Variants in RIMS3 observed in about 807,000 individuals in gnomAD.
RIMS3 encodes regulating synaptic membrane exocytosis 3, also known as regulating synaptic membrane exocytosis protein 3.
A neutral mutation model predicts 29.2 loss-of-function variants in RIMS3; 15 were observed. That is an observed-to-expected ratio of 0.51 (90% CI 0.34 to 0.79). RIMS3 has a LOEUF of 0.79. Among genes scored for constraint, RIMS3 ranks in the 30% least tolerant of loss-of-function variants. The probability of loss-of-function intolerance (pLI) is 0.01; values close to 1 mark genes in which losing one functional copy is unlikely to be tolerated. For missense variants in RIMS3, 342 were observed against 421.4 expected (o/e 0.81, Z 1.65); for synonymous variants, 161 against 170.1 (o/e 0.95, Z 0.41).
chr1:40,629,450 C>T, intron 5 of RIMS3, 78 bp from the exon 6 acceptor site: 1 of 1,159,174 alleles, frequency 8.6e-7, no homozygotes, highest in Non-Finnish European at 1.3e-6. Context: ...TGAATGCCAG[C>T]CTGTGGAGGA....
chr1:40,685,109 C>T, the RIMS3 span, among the ~76,000 whole-genome samples: 2 of 151,710 alleles, frequency 1.3e-5, no homozygotes, highest in African/African-American at 2.4e-5. Context: ...TGTGGGAGAT[C>T]GCTGATTGGT....
the RIMS3 span, among the ~76,000 whole-genome samples, chr1:40,671,808 G>A: frequency 2.0e-5 from 3 of 148,778 alleles, no homozygotes; most frequent in Non-Finnish European, 4.4e-5. Context: ...CTAGGCTTAG[G>A]CTGGAGTGCA....
chr1:40,656,175 G>A (rs1170420374), intron 1 of RIMS3, among the ~76,000 whole-genome samples: 2 of 151,742 alleles, frequency 1.3e-5, no homozygotes, highest in Admixed American at 6.6e-5. Context: ...TCAAGGCTGA[G>A]GTGAGCCAAG....
At chr1:40,690,427 T>C in the RIMS3 span, 1 of 152,032 alleles carries the variant, frequency 6.6e-6, no homozygotes, top group Non-Finnish European at 1.5e-5. Flanking sequence ...AGCGAGACAC[T>C]CGTAGCTCTT....
intron 1 of RIMS3, among the ~76,000 whole-genome samples, chr1:40,663,088 G>A (rs900816030): frequency 6.6e-6 from 1 of 152,156 alleles, no homozygotes; most frequent in Non-Finnish European, 1.5e-5. Context: ...TACCAGTGTA[G>A]GAGACAGCCC....
chr1:40,662,350 G>A (rs1178927845), intron 1 of RIMS3, among the ~76,000 whole-genome samples: 3 of 152,002 alleles, frequency 2.0e-5, no homozygotes, highest in East Asian at 1.9e-4. Flanking sequence ...CTAAGATGTC[G>A]CCACCTCCAG....
At chr1:40,691,660 G>C in the RIMS3 span, 1 of 445,238 alleles carries the variant, frequency 2.2e-6, no homozygotes, top group Non-Finnish European at 4.5e-6. Context: ...ACGATACTGG[G>C]AGTCCAGGCG....
rs115115440 is a variant in RIMS3, at chr1:40,622,877, C to G, written c.*3640G>C. The G allele has an allele frequency of 6.6e-6, 1 of 152,660 alleles. No individual in the cohort carries two copies. The highest frequency in any genetic ancestry group is 2.4e-5 in the African/African-American group (1 of 41,408). The allele number at this position is 152,660 out of a possible 1,614,324, so 9.5% of individuals were successfully genotyped here. On this transcript the variant is annotated 3_prime_UTR_variant, in exon 8 of 8. Coordinates refer to ENST00000372684, the MANE Select transcript of RIMS3 (RefSeq NM_014747.3). Reference sequence around the variant, plus strand: ...GGGCAGCAGGGCATGGAAGAGGGACCCTGGTTGCATGTCAGGGCTCCTGGT... The same window carrying G: ...GGGCAGCAGGGCATGGAAGAGGGACGCTGGTTGCATGTCAGGGCTCCTGGT...
At chr1:40,646,662 C>A (rs1172579815) in intron 2 of RIMS3, among the ~76,000 whole-genome samples, 1 of 152,160 alleles carries the variant, frequency 6.6e-6, no homozygotes, top group Non-Finnish European at 1.5e-5. Flanking sequence ...TGCCCCCACT[C>A]CTGCCAAAAC....
chr1:40,690,703 T>C, the RIMS3 span: 6 of 152,226 alleles, frequency 3.9e-5, no homozygotes, highest in Non-Finnish European at 8.8e-5. Flanking sequence ...CTCAATTACT[T>C]TATCACCAGG....
In RIMS3 at chr1:40,633,183, T is replaced by C. The variant is rs1235222842; in HGVS notation, c.360-2A>G. 6.2e-7 allele frequency: 1 copy of C among 1,613,156 alleles called. No homozygotes were observed. Among genetic ancestry groups the C allele is most frequent in the Non-Finnish European group, 8.5e-7 (1 of 1,179,176 alleles). On this transcript the variant is annotated splice_acceptor_variant, in intron 4 of 7. Coordinates refer to ENST00000372684, the MANE Select transcript of RIMS3 (RefSeq NM_014747.3). LOFTEE classifies it high-confidence loss of function. Reference sequence around the variant, plus strand: ...AGCCGGGTAGTGGGGAAGATGAACCTGCAGGAGGAGGCAGAGGGACGCGTG... The same window carrying C: ...AGCCGGGTAGTGGGGAAGATGAACCCGCAGGAGGAGGCAGAGGGACGCGTG...
intron 1 of RIMS3, among the ~76,000 whole-genome samples, chr1:40,659,979 A>C (rs138202811): frequency 2.6e-5 from 4 of 152,308 alleles, no homozygotes; most frequent in African/African-American, 9.6e-5. Flanking sequence ...GTTTATCCTA[A>C]GAAGACCATG....
chr1:40,686,571 G>T, the RIMS3 span, among the ~76,000 whole-genome samples: 1 of 151,816 alleles, frequency 6.6e-6, no homozygotes, highest in East Asian at 2.0e-4. Context: ...GCAGGAGAAT[G>T]GCGTGAACCC....
At chr1:40,630,705 G>A (rs1646483921) in intron 5 of RIMS3, among the ~76,000 whole-genome samples, 1 of 152,248 alleles carries the variant, frequency 6.6e-6, no homozygotes, top group East Asian at 1.9e-4. Context: ...TGACACCAGG[G>A]GGTACCACAC....
At position 40,626,364 on chromosome 1, in the gene RIMS3, C is replaced by G; in HGVS notation, c.*153G>C. 2 of 720,462 alleles carry G rather than the reference C, an allele frequency of 2.8e-6. No homozygotes were observed. Among genetic ancestry groups the G allele is most frequent in the Admixed American group, 4.1e-5 (2 of 49,192 alleles). The allele number at this position is 720,462 out of a possible 1,614,324, so 44.6% of individuals were successfully genotyped here. On this transcript the variant is annotated 3_prime_UTR_variant, in exon 8 of 8. Coordinates refer to ENST00000372684, the MANE Select transcript of RIMS3 (RefSeq NM_014747.3). ...CACGCACGCACACACGCACACACTA[C>G]AGTCTCCACTGCCAGCTGGGATGAG...
At chr1:40,670,563 T>G (rs1642478484), upstream of RIMS3, among the ~76,000 whole-genome samples, 1 of 126,712 alleles carries the variant, frequency 7.9e-6, no homozygotes, top group African/African-American at 3.0e-5. Flanking sequence ...CCATAAGTGT[T>G]AGTTATAATT....
intron 4 of RIMS3, among the ~76,000 whole-genome samples, chr1:40,634,008 T>C (rs542673302): frequency 4.2e-4 from 64 of 152,292 alleles, no homozygotes; most frequent in South Asian, 8.3e-4. Context: ...CTGCTGTTGT[T>C]ATCATCAAGG....
At chr1:40,640,861 G>A (rs1646551098) in intron 3 of RIMS3, among the ~76,000 whole-genome samples, 1 of 152,250 alleles carries the variant, frequency 6.6e-6, no homozygotes. Flanking sequence ...ATGTTTCTGT[G>A]ATCTGGGTCT....
the RIMS3 span, among the ~76,000 whole-genome samples, chr1:40,675,642 C>T: frequency 6.6e-6 from 1 of 151,798 alleles, no homozygotes; most frequent in Non-Finnish European, 1.5e-5. Flanking sequence ...CCTGTAATCT[C>T]AGCTACTCAG....
Sources: gnomAD v4.1 joint callset for allele counts (sites outside exome capture counted in the v4.1 genomes callset) on GRCh38, gnomAD v4.1.1 for gene constraint, MANE v1.5 for transcripts, NCBI Gene and HGNC (gene_info 2026-07-23, HGNC 2026-07-21) for gene names.